The following TARBP1 variants were observed in gnomAD, a reference collection of about 807,000 sequenced individuals.
The protein encoded by TARBP1 is tRNA (guanosine(18)-2'-O)-methyltransferase TARBP1.
In TARBP1, 144 loss-of-function variants were observed where a neutral mutation model predicts 178.6. The observed-to-expected ratio is 0.81, with a 90% CI of 0.70 to 0.93. The LOEUF (loss-of-function observed/expected upper bound fraction) is 0.93. Among genes scored for constraint, TARBP1 ranks in the 40% least tolerant of loss-of-function variants. The pLI is 0.00. For missense variants in TARBP1, 2,067 were observed against 2,011.7 expected (o/e 1.03, Z -0.53); for synonymous variants, 787 against 781.0 (o/e 1.01, Z -0.13).
In TARBP1 at chr1:234,391,594, C is replaced by T. The variant is rs1185772110; in HGVS notation, c.4849G>A (p.Gly1617Arg). 6 of 1,611,802 alleles carry T rather than the reference C, an allele frequency of 3.7e-6. No individual in the cohort carries two copies. The highest frequency in any genetic ancestry group is 4.5e-5 in the East Asian group (2 of 44,838). Residue 1617 changes from glycine to arginine, a missense_variant, in exon 30 of 30, where the codon GGA becomes AGA. Gly to Arg is a moderately radical substitution (Grantham distance 125). Transcript: ENST00000040877. ...AAGGCACATCATGGCTTGGTATCTC[C>T]GTGCGAGAGCAGCTGCTGCCTGGTG... ...EYTRQQLLSH[G>R]DTKP
At chr1:234,398,335 T>C in intron 26 of TARBP1, 47 bp downstream of exon 26, 1 of 1,502,174 alleles carries the variant, frequency 6.7e-7, no homozygotes, top group Non-Finnish European at 9.0e-7. Flanking sequence ...CAAAAAAATC[T>C]AACCAGATCA....
At chr1:234,400,196 G>A (rs987633508) in intron 25 of TARBP1, 1 of 152,128 alleles carries the variant, frequency 6.6e-6, no homozygotes, top group Non-Finnish European at 1.5e-5. Context: ...CAAAGGTAAG[G>A]ATGAGGGAGG....
chr1:234,478,579 GC>G lies in TARBP1; in HGVS notation c.524del (p.Gly175AlafsTer52). 3.9e-6 allele frequency: 5 copies of G among 1,287,454 alleles called. No homozygotes were observed. The South Asian group carries it at 6.6e-5, about 17-fold the overall frequency. 79.8% of individuals were successfully genotyped at this position (1,287,454 alleles called of 1,614,324 possible). A position where few individuals can be genotyped will look rare whatever the true frequency, so the allele number is the denominator to read the frequency against. Reference sequence around the variant, plus strand: ...CAGGCCCGGCCTCATCCCCGTCCCCGCCCCCGCCCAGCGCCAGGGCGACGGC... The same window carrying G: ...CAGGCCCGGCCTCATCCCCGTCCCCGCCCCGCCCAGCGCCAGGGCGACGGC... Reference protein sequence around the residue: ...GTAVALALGGGGDGDEAGPAE... With the variant: ...GTAVALALGGXGDGDEAGPAE... On this transcript the variant is annotated frameshift_variant, in exon 1 of 30. Coordinates refer to ENST00000040877, the MANE Select transcript of TARBP1 (RefSeq NM_005646.4). LOFTEE classifies it high-confidence loss of function.
intron 1 of TARBP1, among the ~76,000 whole-genome samples, chr1:234,477,783 C>T (rs1335886770): frequency 2.0e-5 from 3 of 152,328 alleles, no homozygotes; most frequent in South Asian, 4.1e-4. Context: ...CACTAATTCA[C>T]TGGTCAGTAC....
Position 234,478,299 on chromosome 1 carries a change from C to T in TARBP1, c.805G>A (p.Val269Met). ...TCCGCCTGGCCCAGCCCCGCCTGCA[C>T]CGTCCTCCAGAAGCGCCAGCAGCGC... ...ARRCWRFWRT[V>M]QAGLGQADAL... The change falls in exon 1 of 30, where the codon GTG (valine) becomes ATG (methionine). Residue 269 changes from valine (V) to methionine (M), a missense_variant. By Grantham distance (21) the Val-to-Met change is conservative. Transcript: ENST00000040877. 6.5e-7 allele frequency: 1 copy of T among 1,545,846 alleles called. No homozygotes were observed. Among genetic ancestry groups the T allele is most frequent in the Non-Finnish European group, 8.7e-7 (1 of 1,150,912 alleles).
At chr1:234,412,619 TA>T (rs1661954213) in intron 22 of TARBP1, among the ~76,000 whole-genome samples, 1 of 152,012 alleles carries the variant, frequency 6.6e-6, no homozygotes. Flanking sequence ...CAGTGATCTA[TA>T]ATTGCCGGGT....
intron 20 of TARBP1, among the ~76,000 whole-genome samples, 165 bp downstream of exon 20, chr1:234,425,498 GCGTGAGCCAC>G (rs898298295): frequency 6.6e-6 from 1 of 152,168 alleles, no homozygotes; most frequent in Non-Finnish European, 1.5e-5. Context: ...AGGATTACAG[GCGTGAGCCAC>G]AGTGTGACCA....
intron 26 of TARBP1, among the ~76,000 whole-genome samples, chr1:234,395,878 C>G (rs1179228017): frequency 6.6e-6 from 1 of 152,050 alleles, no homozygotes. Flanking sequence ...CTATAGGTAA[C>G]AATAATGTAT....
intron 13 of TARBP1, 132 bp from the exon 14 acceptor site, chr1:234,433,703 T>C: frequency 1.2e-6 from 1 of 861,872 alleles, no homozygotes. Flanking sequence ...AGTTCTTTTC[T>C]CCAAGCAGCC....
At chr1:234,401,386 T>C in intron 24 of TARBP1, 124 bp from the exon 25 acceptor site, 2 of 659,114 alleles carry the variant, frequency 3.0e-6, no homozygotes, top group Admixed American at 5.1e-5. Flanking sequence ...TTATGAACTT[T>C]ATCCTAAGAT....
intron 22 of TARBP1, among the ~76,000 whole-genome samples, chr1:234,414,181 G>A (rs1039629965): frequency 1.1e-4 from 17 of 152,292 alleles, no homozygotes; most frequent in Admixed American, 2.6e-4. Context: ...ACTCTGCCAC[G>A]TTAGCACAAA....
intron 13 of TARBP1, among the ~76,000 whole-genome samples, chr1:234,436,437 T>C (rs910411315): frequency 3.3e-5 from 5 of 152,234 alleles, no homozygotes; most frequent in Non-Finnish European, 5.9e-5. Context: ...ATATTAATGA[T>C]TGCTTGATAA....
At position 234,404,111 on chromosome 1, in the gene TARBP1, C is replaced by G. The variant is rs549831255; in HGVS notation, c.3989+1792G>C. On this transcript the variant is annotated intron_variant, in intron 24 of 29. Coordinates refer to ENST00000040877, the MANE Select transcript of TARBP1 (RefSeq NM_005646.4). ...ACTGGAGCCAATTGCTTTTAGAAAT[C>G]AAAACACAGCTACCAACAAATTTAG... Among the ~76,000 whole-genome samples the G allele has an allele frequency of 3.3e-5, 5 of 152,312 alleles. No individual in the cohort carries two copies. The South Asian group carries it at 1.0e-3, about 32-fold the overall frequency.
intron 1 of TARBP1, among the ~76,000 whole-genome samples, chr1:234,477,935 G>A (rs1669720480): frequency 6.6e-6 from 1 of 152,206 alleles, no homozygotes; most frequent in African/African-American, 2.4e-5. Context: ...TTCCAGGGGT[G>A]CTGTATTCCA....
At chr1:234,398,349 A>G (rs1253689757) in intron 26 of TARBP1, 33 bp downstream of exon 26, 1 of 1,541,410 alleles carries the variant, frequency 6.5e-7, no homozygotes, top group Non-Finnish European at 8.8e-7. Flanking sequence ...CAGATCAACA[A>G]GGGGAAAAAA....
chr1:234,414,843 G>A (rs1662236567), intron 22 of TARBP1, among the ~76,000 whole-genome samples: 1 of 152,084 alleles, frequency 6.6e-6, no homozygotes, highest in African/African-American at 2.4e-5. Context: ...AATTAGCCGG[G>A]CATGGTGGTG....
At chr1:234,427,835 GTTAC>G (rs1342609729) in intron 17 of TARBP1, 69 bp from the exon 18 acceptor site, 2 of 1,130,706 alleles carry the variant, frequency 1.8e-6, no homozygotes, top group South Asian at 2.7e-5. Context: ...GCTAAAAACT[GTTAC>G]TTAGTTTCAA....
chr1:234,443,826 T>C (rs775817071), intron 12 of TARBP1, among the ~76,000 whole-genome samples: 1 of 152,160 alleles, frequency 6.6e-6, no homozygotes, highest in African/African-American at 2.4e-5. Flanking sequence ...CCAGAAGACA[T>C]GGTGTTCAGT....
intron 12 of TARBP1, among the ~76,000 whole-genome samples, chr1:234,446,050 ATTTTTT>A (rs779192496): frequency 0.3 from 45,667 of 151,994 alleles, 7,056 homozygotes; most frequent in Admixed American, 0.41. Context: ...ATAAAAAAAT[ATTTTTT>A]ATATTTCATA....
Sources: allele counts gnomAD v4.1 joint callset (sites outside exome capture counted in the v4.1 genomes callset), GRCh38; gene constraint gnomAD v4.1.1; transcripts MANE v1.5; gene names NCBI Gene and HGNC (gene_info 2026-07-23, HGNC 2026-07-21).